Variants in RMND5B observed in about 807,000 individuals in gnomAD.
RMND5B encodes the protein E3 ubiquitin-protein transferase RMND5B.
In RMND5B, 42 loss-of-function variants were observed where a neutral mutation model predicts 50.4. The observed-to-expected ratio is 0.83, with a 90% CI of 0.65 to 1.08. The LOEUF is 1.08. RMND5B is among the 50% of genes least tolerant of loss of function. RMND5B has a pLI of 0.00. For missense variants in RMND5B, 463 were observed against 508.5 expected (o/e 0.91, Z 0.86); for synonymous variants, 220 against 210.0 (o/e 1.05, Z -0.41).
intron 7 of RMND5B, among the ~76,000 whole-genome samples, chr5:178,144,367 A>G (rs879429002): frequency 6.7e-6 from 1 of 148,462 alleles, no homozygotes; most frequent in Non-Finnish European, 1.5e-5. Context: ...GCCACACCAC[A>G]CTCATTTAGA....
intron 2 of RMND5B, among the ~76,000 whole-genome samples, chr5:178,132,271 T>A (rs57230193): frequency 0.3 from 45,445 of 151,762 alleles, 7,159 homozygotes; most frequent in East Asian, 0.46. Flanking sequence ...TGAAACCCCG[T>A]CTCTACTAAA....
intron 3 of RMND5B, among the ~76,000 whole-genome samples, chr5:178,140,468 G>A (rs533284778): frequency 6.6e-6 from 1 of 152,004 alleles, no homozygotes; most frequent in Non-Finnish European, 1.5e-5. Context: ...CGCTGCACCT[G>A]GCCTGATCTT....
chr5:178,139,100 C>T (rs908057616), intron 3 of RMND5B, among the ~76,000 whole-genome samples: 6 of 152,124 alleles, frequency 3.9e-5, no homozygotes, highest in African/African-American at 1.4e-4. Flanking sequence ...CACGCCACTG[C>T]ACTCCAACCT....
rs1755806876 is a variant in RMND5B at position 178,143,610 on chromosome 5, T to C, written c.427-17T>C. 6.3e-7 allele frequency: 1 copy of C among 1,579,534 alleles called. No individual in the cohort carries two copies. Among genetic ancestry groups the C allele is most frequent in the Non-Finnish European group, 8.7e-7 (1 of 1,148,734 alleles). Reference sequence around the variant, plus strand: ...ACCATCTTCCAGTGGTGGGATCTCTTCTCTCTCTCCTTGTAGGAATCAACG... The same window carrying C: ...ACCATCTTCCAGTGGTGGGATCTCTCCTCTCTCTCCTTGTAGGAATCAACG... On this transcript the variant is annotated splice_polypyrimidine_tract_variant and intron_variant, in intron 5 of 10. Coordinates refer to ENST00000313386, the MANE Select transcript of RMND5B (RefSeq NM_022762.5).
intron 8 of RMND5B, chr5:178,147,281 C>T (rs1756062883): frequency 3.7e-6 from 2 of 541,936 alleles, no homozygotes; most frequent in South Asian, 4.5e-5. Context: ...AGATATCTGC[C>T]CCTAGAGCTA....
At chr5:178,136,226 CAT>C (rs1758616022) in intron 2 of RMND5B, 1 of 152,200 alleles carries the variant, frequency 6.6e-6, no homozygotes, top group African/African-American at 2.4e-5. Flanking sequence ...GTACCTACCT[CAT>C]AGTGTTTTCG....
At chr5:178,140,558 G>T (rs1304844064) in intron 3 of RMND5B, among the ~76,000 whole-genome samples, 1 of 152,070 alleles carries the variant, frequency 6.6e-6, no homozygotes, top group African/African-American at 2.4e-5. Flanking sequence ...TAATCACTAA[G>T]TAGTTTGTGG....
rs1207079438 is a variant in RMND5B at position 178,137,715 on chromosome 5, T to C, written c.-12-393T>C. Among the ~76,000 whole-genome samples, 1 of 152,132 alleles carries C rather than the reference T, an allele frequency of 6.6e-6. No homozygotes were observed. Among genetic ancestry groups the C allele is most frequent in the East Asian group, 1.9e-4 (1 of 5,194 alleles). On this transcript the variant is annotated intron_variant, in intron 2 of 10. Transcript: ENST00000313386. The surrounding 1 kb of genome is among the most constrained non-coding windows in gnomAD (Gnocchi z 4.4). ...AAAAAAAGAAAATACATACGTGTAA[T>C]ATGACATTATGCAGTATATGGATTT... is the stretch of plus-strand genomic sequence containing the variant.
At chr5:178,147,697 G>A (rs1449555580) in intron 9 of RMND5B, 32 bp from the exon 10 acceptor site, 2 of 1,613,996 alleles carry the variant, frequency 1.2e-6, no homozygotes, top group African/African-American at 1.3e-5. Flanking sequence ...ATGACAGGAA[G>A]TGGAACTCAC....
chr5:178,139,833 C>CA (rs1301251775), intron 3 of RMND5B, among the ~76,000 whole-genome samples: 5 of 150,904 alleles, frequency 3.3e-5, no homozygotes, highest in African/African-American at 1.2e-4. Context: ...GCTGGGATTA[C>CA]AGGTGTGAGC....
rs373987956 is a variant in RMND5B at position 178,143,681 on chromosome 5, C to T, written c.481C>T (p.Arg161Ter). The T allele has an allele frequency of 3.7e-5, 59 of 1,614,020 alleles. No homozygotes were observed. The highest frequency in any genetic ancestry group is 6.7e-5 in the East Asian group (3 of 44,902). Residue 161 changes from arginine (R) to a stop codon, truncating the protein, a stop_gained, in exon 6 of 11, where the codon CGA becomes TGA. Coordinates refer to ENST00000313386, the MANE Select transcript of RMND5B (RefSeq NM_022762.5). LOFTEE classifies it high-confidence loss of function. ...CAAGCAGCCTTTCCTAGAGTTGAAT[C>T]GAATCCTGGAAGCCCTGCACGAACA... ...DFKQPFLELNRILEALHEQDL... is the reference protein window; with the variant it reads ...DFKQPFLELN
rs1051104113 is a variant in RMND5B at position 178,138,395 on chromosome 5, G to A, written c.139+137G>A. The A allele has an allele frequency of 6.3e-6, 9 of 1,418,598 alleles. No homozygotes were observed. The highest frequency in any genetic ancestry group is 5.3e-5 in the East Asian group (2 of 37,456). The allele number at this position is 1,418,598 out of a possible 1,614,324, so 87.9% of individuals were successfully genotyped here. A position where few individuals can be genotyped will look rare whatever the true frequency, so the allele number is the denominator to read the frequency against. On this transcript the variant is annotated intron_variant, in intron 3 of 10. Transcript: ENST00000313386. The surrounding 1 kb of genome is among the most constrained non-coding windows in gnomAD (Gnocchi z 5.1). ...TGCATCTGTAGGCCTCCTTGAAACCGGGTAATGACAGTCTCTGAGCTACTT... is the reference window on the plus strand; with the variant it reads ...TGCATCTGTAGGCCTCCTTGAAACCAGGTAATGACAGTCTCTGAGCTACTT...
chr5:178,145,342 C>A (rs1002697960), intron 7 of RMND5B, among the ~76,000 whole-genome samples: 1 of 151,598 alleles, frequency 6.6e-6, no homozygotes, highest in African/African-American at 2.4e-5. Context: ...AAAAATTAGC[C>A]GGGCGTGGTG....
intron 2 of RMND5B, among the ~76,000 whole-genome samples, chr5:178,132,033 C>T (rs939965881): frequency 2.0e-5 from 3 of 152,146 alleles, no homozygotes; most frequent in Non-Finnish European, 4.4e-5. Context: ...TAAGAATTGG[C>T]TGGGCACGGT....
Position 178,148,021 on chromosome 5 carries a change from A to G in RMND5B, c.1171A>G (p.Ile391Val), listed in dbSNP as rs1490285136. 1 of 1,613,968 alleles carries G rather than the reference A, an allele frequency of 6.2e-7. No homozygotes were observed. Among genetic ancestry groups the G allele is most frequent in the Non-Finnish European group, 8.5e-7 (1 of 1,179,960 alleles). The part of the protein sequence containing the change: ...MEQNPADGKR[I>V]IF ...GCAGAACCCGGCAGATGGGAAACGCATCATATTCTGATTCCTACCTGGAAG... is the reference window on the plus strand; with the variant it reads ...GCAGAACCCGGCAGATGGGAAACGCGTCATATTCTGATTCCTACCTGGAAG... The change falls in exon 11 of 11, where the codon ATC becomes GTC. Residue 391 changes from isoleucine (I) to valine (V), a missense_variant. Physicochemically the swap from Ile to Val is conservative, Grantham distance 29. Transcript: ENST00000313386.
intron 2 of RMND5B, among the ~76,000 whole-genome samples, chr5:178,134,049 C>A (rs1292069413): frequency 6.6e-6 from 1 of 152,182 alleles, no homozygotes; most frequent in Non-Finnish European, 1.5e-5. Context: ...CTACCATGGA[C>A]CAGGCCCTAG....
chr5:178,147,772 T>TC lies in RMND5B; in HGVS notation c.1008dup (p.Ala337ArgfsTer31). ...ATGAAGTGCTGGTACCACTCCGTGTTCGCTTGCCCCATCCTCCGCCAGCAG... is the reference window on the plus strand; with the variant it reads ...ATGAAGTGCTGGTACCACTCCGTGTTCCGCTTGCCCCATCCTCCGCCAGCAG... On this transcript the variant is annotated frameshift_variant, in exon 10 of 11. Coordinates refer to ENST00000313386, the MANE Select transcript of RMND5B (RefSeq NM_022762.5). LOFTEE classifies it high-confidence loss of function. The TC allele has an allele frequency of 1.2e-6, 2 of 1,614,196 alleles. No homozygotes were observed. The highest frequency in any genetic ancestry group is 1.7e-6 in the Non-Finnish European group (2 of 1,180,038).
chr5:178,149,797 C>T lies in RMND5B; in HGVS notation c.*1765C>T, dbSNP rs1756216301. The T allele has an allele frequency of 1.6e-5, 26 of 1,614,012 alleles. No homozygotes were observed. The highest frequency in any genetic ancestry group is 2.2e-5 in the Non-Finnish European group (26 of 1,179,928). On this transcript the variant is annotated 3_prime_UTR_variant, in exon 11 of 11. Coordinates refer to ENST00000313386, the MANE Select transcript of RMND5B (RefSeq NM_022762.5). ...ACTCCTCATGGGGCTTGACCATTAT[C>T]ACACAGGTGGGGCGCTTGGAGCCTG...
chr5:178,133,070 G>C (rs1278249949), intron 2 of RMND5B, among the ~76,000 whole-genome samples: 1 of 151,690 alleles, frequency 6.6e-6, no homozygotes, highest in Non-Finnish European at 1.5e-5. Context: ...TCGCCATGTT[G>C]GTCAGGCTGG....
Sources: gnomAD v4.1 joint callset for allele counts (sites outside exome capture counted in the v4.1 genomes callset) on GRCh38, gnomAD v4.1.1 for gene constraint, Gnocchi (gnomAD v3.1) non-coding constraint, MANE v1.5 for transcripts, NCBI Gene and HGNC (gene_info 2026-07-23, HGNC 2026-07-21) for gene names.